Variants in CACNA1I observed in about 807,000 individuals in gnomAD.
CACNA1I encodes voltage-dependent T-type calcium channel subunit alpha-1I.
CACNA1I carries 74 observed loss-of-function variants against 201.6 expected under a neutral mutation model. The ratio of observed to expected loss-of-function variants is 0.37; its 90% CI spans 0.30 to 0.45. The LOEUF is 0.45. CACNA1I is among the 20% of genes least tolerant of loss of function. The pLI, the probability that CACNA1I is intolerant of heterozygous loss-of-function variation, is 1.00. For missense variants in CACNA1I, 2,346 were observed against 3,138.1 expected (o/e 0.75, Z 6.03); for synonymous variants, 1,431 against 1,345.2 (o/e 1.06, Z -1.40).
rs772608413 is a variant in CACNA1I at position 39,663,709 on chromosome 22, C to G, written c.3474-9C>G. On this transcript the variant is annotated splice_polypyrimidine_tract_variant and intron_variant, in intron 18 of 36. Coordinates refer to ENST00000402142, the MANE Select transcript of CACNA1I (RefSeq NM_021096.4). ...TGACGCTCAGGCAGCCCCCGCCCAC[C>G]CTGCCCAGGTTCCGGGTCCTGTGTC... 6.2e-7 allele frequency: 1 copy of G among 1,607,066 alleles called. No homozygotes were observed. Among genetic ancestry groups the G allele is most frequent in the Non-Finnish European group, 8.5e-7 (1 of 1,174,492 alleles).
rs368547286 is a variant in CACNA1I, at chr22:39,668,276, T to C, written c.4105-16T>C. 195 of 1,574,280 alleles carry C rather than the reference T, an allele frequency of 1.2e-4. No homozygotes were observed. In the African/African-American group the frequency reaches 2.3e-3, roughly 19 times the overall value. On this transcript the variant is annotated splice_polypyrimidine_tract_variant and intron_variant, in intron 23 of 36. Transcript: ENST00000402142. The stretch of plus-strand genomic sequence containing the variant: ...ACAGTCCTCACCCCTGCATTCCGCC[T>C]CCCCATGTCTCCCAGGCTCTGATGT...
chr22:39,587,579 G>T (rs1053401340), intron 1 of CACNA1I, among the ~76,000 whole-genome samples: 14 of 152,128 alleles, frequency 9.2e-5, no homozygotes, highest in Non-Finnish European at 1.8e-4. Flanking sequence ...GTGGAATGAG[G>T]TTTAAAGGAG....
At chr22:39,608,422 G>A (rs1042181441) in intron 3 of CACNA1I, among the ~76,000 whole-genome samples, 4 of 151,884 alleles carry the variant, frequency 2.6e-5, no homozygotes, top group Non-Finnish European at 5.9e-5. Context: ...GCAACATAGC[G>A]AGAGCCCATT....
At chr22:39,655,884 T>C (rs1027523125) in intron 10 of CACNA1I, among the ~76,000 whole-genome samples, 1 of 152,212 alleles carries the variant, frequency 6.6e-6, no homozygotes, top group African/African-American at 2.4e-5. Flanking sequence ...ACCTTTTGGA[T>C]GGCAGTGGCT....
At chr22:39,680,083 C>G (rs1054636025) in intron 33 of CACNA1I, among the ~76,000 whole-genome samples, 1 of 152,198 alleles carries the variant, frequency 6.6e-6, no homozygotes, top group Non-Finnish European at 1.5e-5. Flanking sequence ...GACCCCAGCA[C>G]CATGCCGCAC....
chr22:39,685,827 C>G lies in CACNA1I; in HGVS notation c.6094C>G (p.Leu2032Val). The change falls in exon 37 of 37, where the codon CTC becomes GTC. Residue 2032 changes from leucine (L) to valine (V), a missense_variant. This residue lies in a region of CACNA1I where 441 missense variants were observed against 555.6 expected (regional missense o/e 0.79). Transcript: ENST00000402142. The surrounding 1 kb of genome is among the most constrained non-coding windows in gnomAD (Gnocchi z 5.0). The stretch of plus-strand genomic sequence containing the variant: ...CTCCGCGGGCAGCCTGCAGACCACG[C>G]TCGAGGACAGCCTGACCCTGAGCGA... ...SSSAGSLQTT[L>V]EDSLTLSDSP... 1 of 1,496,248 alleles carries G rather than the reference C, an allele frequency of 6.7e-7. No homozygotes were observed. The allele number at this position is 1,496,248 out of a possible 1,614,324, so 92.7% of individuals were successfully genotyped here.
chr22:39,658,383 G>A, intron 11 of CACNA1I, 80 bp downstream of exon 11: 1 of 1,340,936 alleles, frequency 7.5e-7, no homozygotes, highest in Non-Finnish European at 1.0e-6. Context: ...GCATATAAAG[G>A]ACATAAGATG....
chr22:39,606,267 A>G (rs1434442211), intron 3 of CACNA1I, among the ~76,000 whole-genome samples: 1 of 152,100 alleles, frequency 6.6e-6, no homozygotes, highest in Non-Finnish European at 1.5e-5. Context: ...CCGTCAGGTC[A>G]TGTTCACTCT....
chr22:39,578,868 C>T (rs1030789656), intron 1 of CACNA1I, among the ~76,000 whole-genome samples: 13 of 152,166 alleles, frequency 8.5e-5, no homozygotes, highest in African/African-American at 2.9e-4. Flanking sequence ...GCTGAGGCTT[C>T]CCAGCCTTTC....
intron 8 of CACNA1I, among the ~76,000 whole-genome samples, 179 bp downstream of exon 8, chr22:39,647,060 C>T (rs529963799): frequency 6.6e-6 from 1 of 152,390 alleles, no homozygotes; most frequent in Admixed American, 6.5e-5. Flanking sequence ...CTCCTGGCAC[C>T]TGTCAGAGCC....
rs1448941459 is a variant in CACNA1I at position 39,629,298 on chromosome 22, C to T, written c.581-5267C>T. Among the ~76,000 whole-genome samples the T allele has an allele frequency of 6.6e-6, 1 of 152,154 alleles. No individual in the cohort carries two copies. Among genetic ancestry groups the T allele is most frequent in the Admixed American group, 6.5e-5 (1 of 15,280 alleles). On this transcript the variant is annotated intron_variant, in intron 4 of 36. Transcript: ENST00000402142. This position sits in a 1 kb window ranked among gnomAD's most constrained non-coding sequence, Gnocchi z 4.8. ...CTCCATGGGGATGTACCCCGGCCAT[C>T]CCAAGCTCCACATCTCCAGATGGAG... is the stretch of plus-strand genomic sequence containing the variant.
chr22:39,611,985 C>T (rs558237322), intron 3 of CACNA1I, among the ~76,000 whole-genome samples: 4 of 152,264 alleles, frequency 2.6e-5, no homozygotes, highest in South Asian at 2.1e-4. Flanking sequence ...TGAGGAACTG[C>T]GAGTGTTGCT....
chr22:39,650,476 C>G (rs1934614641), intron 10 of CACNA1I, among the ~76,000 whole-genome samples: 1 of 152,176 alleles, frequency 6.6e-6, no homozygotes, highest in Admixed American at 6.5e-5. Context: ...GTCCATTCCC[C>G]CCCAAACAGC....
At chr22:39,602,509 G>A (rs987785045) in intron 3 of CACNA1I, among the ~76,000 whole-genome samples, 9 of 151,770 alleles carry the variant, frequency 5.9e-5, no homozygotes, top group Non-Finnish European at 8.8e-5. Context: ...CACGTTCTTC[G>A]TTTTCATTCT....
chr22:39,681,093 T>C, intron 34 of CACNA1I, 41 bp downstream of exon 34: 1 of 1,572,362 alleles, frequency 6.4e-7, no homozygotes, highest in South Asian at 1.2e-5. Context: ...GGGTCTGTCC[T>C]TGAAACCTGG....
Position 39,659,119 on chromosome 22 carries a change from G to A in CACNA1I, c.2330+3G>A. On this transcript the variant is annotated splice_donor_region_variant and intron_variant, in intron 12 of 36. Transcript: ENST00000402142. This position sits in a 1 kb window ranked among gnomAD's most constrained non-coding sequence, Gnocchi z 4.3. ...ATGCTCTTCATCTTCATCTTCAGGT[G>A]AGCCTGCCCTGCTGGGGGCCATACC... The A allele has an allele frequency of 6.2e-7, 1 of 1,612,218 alleles. No individual in the cohort carries two copies. Among genetic ancestry groups the A allele is most frequent in the African/African-American group, 1.3e-5 (1 of 75,024 alleles).
chr22:39,586,717 G>C (rs144251001), intron 1 of CACNA1I, among the ~76,000 whole-genome samples: 4 of 152,276 alleles, frequency 2.6e-5, no homozygotes, highest in Non-Finnish European at 4.4e-5. Context: ...CATGAACACA[G>C]ACGTGTGTTC....
At position 39,629,291 on chromosome 22, in the gene CACNA1I, C is replaced by T. The variant is rs1021386741; in HGVS notation, c.581-5274C>T. On this transcript the variant is annotated intron_variant, in intron 4 of 36. Coordinates refer to ENST00000402142, the MANE Select transcript of CACNA1I (RefSeq NM_021096.4). The surrounding 1 kb of genome is among the most constrained non-coding windows in gnomAD (Gnocchi z 4.8). ...AAAGCGACTCCATGGGGATGTACCC[C>T]GGCCATCCCAAGCTCCACATCTCCA... is the stretch of plus-strand genomic sequence containing the variant. 3.3e-5 allele frequency among the ~76,000 whole-genome samples: 5 copies of T among 152,130 alleles called. No homozygotes were observed. Among genetic ancestry groups the T allele is most frequent in the Admixed American group, 2.0e-4 (3 of 15,276 alleles).
chr22:39,648,391 C>T lies in CACNA1I; in HGVS notation c.1567+465C>T, dbSNP rs555810784. Among the ~76,000 whole-genome samples the T allele has an allele frequency of 6.6e-6, 1 of 152,256 alleles. No homozygotes were observed. Among genetic ancestry groups the T allele is most frequent in the East Asian group, 2.0e-4 (1 of 5,110 alleles). On this transcript the variant is annotated intron_variant, in intron 9 of 36. Coordinates refer to ENST00000402142, the MANE Select transcript of CACNA1I (RefSeq NM_021096.4). The surrounding 1 kb of genome is among the most constrained non-coding windows in gnomAD (Gnocchi z 5.4). ...CTCCAACGGGCTTCCTGCGGCCGCC[C>T]AGCCCCCTCTCCTGGCACTCTTGCC...
Sources: gnomAD v4.1 joint callset for allele counts (sites outside exome capture counted in the v4.1 genomes callset) on GRCh38, gnomAD v4.1.1 for gene constraint, gnomAD v4.1.1 regional missense constraint, Gnocchi (gnomAD v3.1) non-coding constraint, MANE v1.5 for transcripts, NCBI Gene and HGNC (gene_info 2026-07-23, HGNC 2026-07-21) for gene names.